CNTNAP4: variants seen among roughly 807,000 people sequenced by gnomAD.
CNTNAP4 encodes contactin-associated protein-like 4.
CNTNAP4 carries 98 observed loss-of-function variants against 148.4 expected under a neutral mutation model. The observed-to-expected ratio is 0.66, with a 90% CI of 0.56 to 0.78. The LOEUF is 0.78. Ranked by LOEUF, CNTNAP4 falls within the 30% of genes least tolerant of loss-of-function variation. The pLI is 0.00. For synonymous variants in CNTNAP4, 730 were observed against 565.1 expected (o/e 1.29, Z -4.14); for missense variants, 1,935 against 1,565.6 (o/e 1.24, Z -3.98).
At chr16:76,383,112 C>CT (rs5817988) in intron 3 of CNTNAP4, among the ~76,000 whole-genome samples, 80,700 of 147,196 alleles carry the variant, frequency 0.55, 22,720 homozygotes, top group East Asian at 0.86. Flanking sequence ...ATTTATCCCA[C>CT]TTTTTTTTTT....
intron 2 of CNTNAP4, among the ~76,000 whole-genome samples, chr16:76,317,513 CT>C (rs761323097): frequency 5.9e-5 from 9 of 152,258 alleles, no homozygotes; most frequent in Admixed American, 2.0e-4. Context: ...GGAAAACACG[CT>C]TGGCAATACT....
intron 17 of CNTNAP4, among the ~76,000 whole-genome samples, chr16:76,534,350 G>A (rs1417104076): frequency 6.6e-6 from 1 of 152,180 alleles, no homozygotes; most frequent in Non-Finnish European, 1.5e-5. Context: ...AAGAAACGAA[G>A]TGAACATGTT....
At position 76,424,502 on chromosome 16, in the gene CNTNAP4, C is replaced by T. The variant is rs542885715; in HGVS notation, c.391-2950C>T. On this transcript the variant is annotated intron_variant, in intron 3 of 23. Coordinates refer to ENST00000611870, the MANE Select transcript of CNTNAP4 (RefSeq NM_033401.5). ...GGTGCGGTGGTTCACGCCTGTAATC[C>T]TAACACCTTGAGAGGCCGAGGCGGG... 1.7e-3 allele frequency among the ~76,000 whole-genome samples: 261 copies of T among 152,164 alleles called. 1 individual carries two copies. Among genetic ancestry groups the T allele is most frequent in the African/African-American group, 6.1e-3 (252 of 41,506 alleles).
At chr16:76,306,653 C>T (rs1960509162) in intron 1 of CNTNAP4, among the ~76,000 whole-genome samples, 4 of 152,170 alleles carry the variant, frequency 2.6e-5, no homozygotes, top group Non-Finnish European at 5.9e-5. Context: ...GATTTTGTTT[C>T]CACAATTCCA....
At chr16:76,392,382 A>C (rs2078055345) in intron 3 of CNTNAP4, among the ~76,000 whole-genome samples, 1 of 152,214 alleles carries the variant, frequency 6.6e-6, no homozygotes, top group African/African-American at 2.4e-5. Flanking sequence ...TGAACTCCCA[A>C]ATCATTGGAA....
intron 4 of CNTNAP4, among the ~76,000 whole-genome samples, chr16:76,430,699 A>C (rs552738901): frequency 6.6e-6 from 1 of 152,278 alleles, no homozygotes; most frequent in South Asian, 2.1e-4. Flanking sequence ...TCTGCACCAA[A>C]TTAACGTGAC....
At chr16:76,424,504 A>C (rs987484506) in intron 3 of CNTNAP4, among the ~76,000 whole-genome samples, 2 of 152,158 alleles carry the variant, frequency 1.3e-5, no homozygotes, top group Non-Finnish European at 2.9e-5. Context: ...CTGTAATCCT[A>C]ACACCTTGAG....
chr16:76,295,285 A>G (rs1340087431), intron 1 of CNTNAP4, among the ~76,000 whole-genome samples: 2 of 152,210 alleles, frequency 1.3e-5, no homozygotes, highest in Admixed American at 6.5e-5. Flanking sequence ...TGAATGCACC[A>G]CAGTAGTGCA....
rs868532953 is a variant in CNTNAP4, at chr16:76,407,264, C to T, written c.391-20188C>T. On this transcript the variant is annotated intron_variant, in intron 3 of 23. Coordinates refer to ENST00000611870, the MANE Select transcript of CNTNAP4 (RefSeq NM_033401.5). ...AAGCCTACCGGGCTCAAATAGTCTG[C>T]CTGCCTTGGCCTCCCAAAGTGCTGG... 2.6e-5 allele frequency among the ~76,000 whole-genome samples: 4 copies of T among 152,222 alleles called. No individual in the cohort carries two copies. The South Asian group carries it at 8.3e-4, about 32-fold the overall frequency.
chr16:76,280,874 C>G (rs1037551933), intron 1 of CNTNAP4, among the ~76,000 whole-genome samples: 1 of 151,964 alleles, frequency 6.6e-6, no homozygotes, highest in Non-Finnish European at 1.5e-5. Context: ...TCAACTTACC[C>G]CAAAAGAAGG....
chr16:76,443,417 C>A (rs938868963), intron 4 of CNTNAP4, among the ~76,000 whole-genome samples: 1 of 152,126 alleles, frequency 6.6e-6, no homozygotes, highest in Non-Finnish European at 1.5e-5. Context: ...AACTCCATTT[C>A]TGCCAAAAAT....
chr16:76,463,266 G>A (rs1293976920), intron 9 of CNTNAP4, among the ~76,000 whole-genome samples: 1 of 152,124 alleles, frequency 6.6e-6, no homozygotes, highest in Non-Finnish European at 1.5e-5. Context: ...AGATTTAGAA[G>A]CAGTAAAAGA....
chr16:76,461,856 G>T lies in CNTNAP4; in HGVS notation c.1334-100G>T. On this transcript the variant is annotated intron_variant, in intron 8 of 23. Coordinates refer to ENST00000611870, the MANE Select transcript of CNTNAP4 (RefSeq NM_033401.5). Reference sequence around the variant, plus strand: ...TGTTTTTAATTAATAATAGAGTTAAGTACTGTAGCCAATTGAGTGATGTGT... The same window carrying T: ...TGTTTTTAATTAATAATAGAGTTAATTACTGTAGCCAATTGAGTGATGTGT... 5.3e-6 allele frequency: 5 copies of T among 937,400 alleles called. No individual in the cohort carries two copies. In the South Asian group the frequency reaches 8.1e-5, roughly 15 times the overall value. The allele number at this position is 937,400 out of a possible 1,614,324, so 58.1% of individuals were successfully genotyped here. A position where few individuals can be genotyped will look rare whatever the true frequency, so the allele number is the denominator to read the frequency against.
In CNTNAP4 at chr16:76,384,129, C is replaced by T. The variant is rs375823319; in HGVS notation, c.390+28618C>T. 1.4e-4 allele frequency among the ~76,000 whole-genome samples: 21 copies of T among 151,980 alleles called. No homozygotes were observed. In the East Asian group the frequency reaches 2.5e-3, roughly 18 times the overall value. On this transcript the variant is annotated intron_variant, in intron 3 of 23. Coordinates refer to ENST00000611870, the MANE Select transcript of CNTNAP4 (RefSeq NM_033401.5). ...CACTATCTTGGCTCGCTGCAACCTC[C>T]GCCTCCCAGGTTCAAGTGATTCTCC...
At position 76,553,905 on chromosome 16, in the gene CNTNAP4, G is replaced by T. The variant is rs1381297900; in HGVS notation, c.3731G>T (p.Gly1244Val). 2 of 1,582,948 alleles carry T rather than the reference G, an allele frequency of 1.3e-6. No homozygotes were observed. The highest frequency in any genetic ancestry group is 3.3e-5 in the Admixed American group (2 of 59,824). ...ATCAAAAGTGACTCTGCAGTAATTG[G>T]AGGTAATAAGAAGCATGAATGAGCT... ...NAIKSDSAVI[G>V]GLIAVVIFIL... is the part of the protein sequence containing the mutation. Residue 1244 changes from glycine to valine, a missense_variant and splice_region_variant, in exon 23 of 24, where the codon GGA becomes GTA. Physicochemically the swap from Gly to Val is moderately radical, Grantham distance 109 (BLOSUM62 -3). Coordinates refer to ENST00000611870, the MANE Select transcript of CNTNAP4 (RefSeq NM_033401.5).
intron 3 of CNTNAP4, among the ~76,000 whole-genome samples, chr16:76,419,392 C>G (rs1597477117): frequency 6.6e-6 from 1 of 152,024 alleles, no homozygotes; most frequent in Non-Finnish European, 1.5e-5. Context: ...TTTCCCACTT[C>G]CTGACAGAGC....
chr16:76,523,009 C>G (rs1039338115), intron 17 of CNTNAP4, among the ~76,000 whole-genome samples: 2 of 152,060 alleles, frequency 1.3e-5, no homozygotes, highest in Non-Finnish European at 2.9e-5. Flanking sequence ...AGGTGATCCA[C>G]CTGCCTCAGC....
intron 3 of CNTNAP4, among the ~76,000 whole-genome samples, chr16:76,381,006 T>C (rs150371523): frequency 1.6e-3 from 245 of 152,356 alleles, no homozygotes; most frequent in African/African-American, 5.7e-3. Context: ...CGCCAGGCTC[T>C]GCACTTTCCC....
chr16:76,322,280 A>G (rs1321513725), intron 2 of CNTNAP4, among the ~76,000 whole-genome samples: 1 of 152,112 alleles, frequency 6.6e-6, no homozygotes, highest in African/African-American at 2.4e-5. Flanking sequence ...CCTTGTCTTA[A>G]ATCCATAGGT....
Sources: allele counts gnomAD v4.1 joint callset (sites outside exome capture counted in the v4.1 genomes callset), GRCh38; gene constraint gnomAD v4.1.1; transcripts MANE v1.5; gene names NCBI Gene and HGNC (gene_info 2026-07-23, HGNC 2026-07-21).